Variants in COL20A1 observed in about 807,000 individuals in gnomAD.
COL20A1 encodes collagen alpha-1(XX) chain.
A neutral mutation model predicts 152.9 loss-of-function variants in COL20A1; 164 were observed. That is an observed-to-expected ratio of 1.07 (90% CI 0.94 to 1.22). COL20A1 has a LOEUF of 1.22. Ranked by LOEUF, COL20A1 falls within the 50% of genes most tolerant of loss-of-function variation. The pLI is 0.00. For missense variants in COL20A1, 1,873 were observed against 1,744.8 expected (o/e 1.07, Z -1.31); for synonymous variants, 864 against 756.0 (o/e 1.14, Z -2.34).
In COL20A1 at chr20:63,328,407, G is replaced by A. The variant is rs200097719; in HGVS notation, c.3690G>A (p.Pro1230=). Residue 1230 remains proline (P), a synonymous_variant, in exon 34 of 36, where the codon CCG becomes CCA. Coordinates refer to ENST00000358894, the MANE Select transcript of COL20A1 (RefSeq NM_020882.4). ...CCATCTTGGAGCAGAAGCTGGAGCCGGGCACTGAGCCCCTGGGGTCCCCTG... is the reference window on the plus strand; with the variant it reads ...CCATCTTGGAGCAGAAGCTGGAGCCAGGCACTGAGCCCCTGGGGTCCCCTG... ...PMPILEQKLE[P]GTEPLGSPGT... is the part of the protein sequence containing the mutation. 1.9e-5 allele frequency: 31 copies of A among 1,612,542 alleles called. No individual in the cohort carries two copies. The highest frequency in any genetic ancestry group is 4.5e-5 in the East Asian group (2 of 44,868).
At chr20:63,312,139 C>A in intron 14 of COL20A1, 84 bp downstream of exon 14, 2 of 1,414,694 alleles carry the variant, frequency 1.4e-6, no homozygotes, top group Non-Finnish European at 1.9e-6. Flanking sequence ...AGCCAACCAT[C>A]AGATAACACA....
At chr20:63,303,706 C>T (rs550120350) in intron 3 of COL20A1, among the ~76,000 whole-genome samples, 48 of 152,174 alleles carry the variant, frequency 3.2e-4, no homozygotes, top group Non-Finnish European at 5.9e-4. Flanking sequence ...CACTCCCTGG[C>T]GCGGGGCTGG....
chr20:63,294,583 C>T (rs1389352375), intron 1 of COL20A1, among the ~76,000 whole-genome samples: 2 of 152,160 alleles, frequency 1.3e-5, no homozygotes, highest in South Asian at 2.1e-4. Flanking sequence ...CACCCGCTCC[C>T]CACTCCTACT....
At chr20:63,298,078 G>A (rs2067821973) in intron 3 of COL20A1, 58 bp downstream of exon 3, 6 of 1,240,690 alleles carry the variant, frequency 4.8e-6, no homozygotes, top group Non-Finnish European at 6.9e-6. Context: ...AGGACAGTCA[G>A]TGTGGTGGCC....
At chr20:63,316,413 A>G in intron 20 of COL20A1, 140 bp from the exon 21 acceptor site, 1 of 92,490 alleles carries the variant, frequency 1.1e-5, no homozygotes, top group Non-Finnish European at 1.8e-5. Context: ...CTGACTTCCC[A>G]CCCACGCCGC....
At position 63,334,020 on chromosome 20, in the gene COL20A1, G is replaced by A. The variant is rs754604725; in HGVS notation, c.*3304G>A. ...TGGACTTGAGCCCCAGCACAGAGAC[G>A]ATGTCATAATACAGCCCCCCATCGT... On this transcript the variant is annotated 3_prime_UTR_variant, in exon 36 of 36. Transcript: ENST00000358894. 9 of 152,370 alleles carry A rather than the reference G, an allele frequency of 5.9e-5. No individual in the cohort carries two copies. The highest frequency in any genetic ancestry group is 3.4e-3 in the Middle Eastern group (1 of 294). 9.4% of individuals were successfully genotyped at this position (152,370 alleles called of 1,614,324 possible).
At chr20:63,298,244 C>A (rs2067823923) in intron 3 of COL20A1, among the ~76,000 whole-genome samples, 1 of 152,252 alleles carries the variant, frequency 6.6e-6, no homozygotes, top group Non-Finnish European at 1.5e-5. Context: ...GCAGCCCCTG[C>A]AGAAGGCATT....
At position 63,311,869 on chromosome 20, in the gene COL20A1, G is replaced by C; in HGVS notation, c.1664-47G>C. ...CCAGCCACTGCCCACCCTTGCCCCT[G>C]CCATGGAGGCCGCGTGCTGGCCTTG... On this transcript the variant is annotated intron_variant, in intron 13 of 35. Coordinates refer to ENST00000358894, the MANE Select transcript of COL20A1 (RefSeq NM_020882.4). This position sits in a 1 kb window ranked among gnomAD's most constrained non-coding sequence, Gnocchi z 4.4. The C allele has an allele frequency of 1.3e-6, 2 of 1,507,118 alleles. No homozygotes were observed. Among genetic ancestry groups the C allele is most frequent in the Non-Finnish European group, 1.8e-6 (2 of 1,128,532 alleles). 93.4% of individuals were successfully genotyped at this position (1,507,118 alleles called of 1,614,324 possible). A position where few individuals can be genotyped will look rare whatever the true frequency, so the allele number is the denominator to read the frequency against.
Position 63,321,112 on chromosome 20 carries a change from G to C in COL20A1, c.3240+13G>C, listed in dbSNP as rs763827385. 2.6e-6 allele frequency: 4 copies of C among 1,568,272 alleles called. No homozygotes were observed. In the South Asian group the frequency reaches 4.7e-5, roughly 18 times the overall value. ...TCAAGGACCCCCAGTGAGTCCAGTG[G>C]CGTCTCCTTGGGGTGACCAGGGAAC... On this transcript the variant is annotated intron_variant, in intron 26 of 35. Transcript: ENST00000358894.
intron 3 of COL20A1, among the ~76,000 whole-genome samples, chr20:63,300,187 G>A (rs952434903): frequency 2.0e-5 from 3 of 152,220 alleles, no homozygotes; most frequent in Middle Eastern, 3.4e-3. Flanking sequence ...TTCTTATAAA[G>A]TCCTTTTAAA....
At chr20:63,310,115 C>A (rs535765739) in intron 10 of COL20A1, among the ~76,000 whole-genome samples, 200 bp downstream of exon 10, 1 of 152,098 alleles carries the variant, frequency 6.6e-6, no homozygotes, top group African/African-American at 2.4e-5. Flanking sequence ...TTTTAGTGGC[C>A]GAGGAGGGCA....
intron 2 of COL20A1, among the ~76,000 whole-genome samples, 158 bp from the exon 3 acceptor site, chr20:63,297,752 G>A (rs1025593920): frequency 5.9e-5 from 9 of 152,352 alleles, no homozygotes; most frequent in Admixed American, 4.6e-4. Flanking sequence ...GGCTGAGTCC[G>A]CCTCAGACAC....
chr20:63,326,429 G>A lies in COL20A1; in HGVS notation c.3456+280G>A, dbSNP rs2068249470. Among the ~76,000 whole-genome samples the A allele has an allele frequency of 5.9e-5, 9 of 152,276 alleles. No homozygotes were observed. In the South Asian group the frequency reaches 1.2e-3, roughly 21 times the overall value. On this transcript the variant is annotated intron_variant, in intron 30 of 35. Coordinates refer to ENST00000358894, the MANE Select transcript of COL20A1 (RefSeq NM_020882.4). ...TGGCATCGGCCTCGGGCTGAGTGCT[G>A]GGCAGGCCAGGTTGCCTCCCTGCAA...
rs980302204 is a variant in COL20A1 at position 63,320,364 on chromosome 20, C to A, written c.3149C>A (p.Ala1050Asp). The change falls in exon 25 of 36, where the codon GCC becomes GAC. Residue 1050 changes from alanine to aspartate, a missense_variant. By Grantham distance (126) the Ala-to-Asp change is moderately radical. Coordinates refer to ENST00000358894, the MANE Select transcript of COL20A1 (RefSeq NM_020882.4). ...ADEDRCCELP[A>D]SRDGETCPAF... ...GAGGACCGGTGCTGTGAGCTCCCTGCCTCGGTGTGCCCCGTCCCTTGCCCC... is the reference window on the plus strand; with the variant it reads ...GAGGACCGGTGCTGTGAGCTCCCTGACTCGGTGTGCCCCGTCCCTTGCCCC... 1.9e-6 allele frequency: 3 copies of A among 1,610,884 alleles called. No homozygotes were observed. Among genetic ancestry groups the A allele is most frequent in the Non-Finnish European group, 2.5e-6 (3 of 1,179,774 alleles).
Position 63,331,602 on chromosome 20 carries a change from TG to T in COL20A1, c.*891del, listed in dbSNP as rs2068334647. 6.6e-6 allele frequency: 1 copy of T among 152,210 alleles called. No homozygotes were observed. The highest frequency in any genetic ancestry group is 1.5e-5 in the Non-Finnish European group (1 of 68,046). The allele number at this position is 152,210 out of a possible 1,614,324, so 9.4% of individuals were successfully genotyped here. On this transcript the variant is annotated 3_prime_UTR_variant, in exon 36 of 36. Coordinates refer to ENST00000358894, the MANE Select transcript of COL20A1 (RefSeq NM_020882.4). ...TATCCCCACTGTGGCCCAAACAGCA[TG>T]GGGGCAAGCTCAGAACACACACCTG...
At chr20:63,295,601 C>T (rs192513167) in intron 2 of COL20A1, among the ~76,000 whole-genome samples, 77 of 152,274 alleles carry the variant, frequency 5.1e-4, no homozygotes, top group African/African-American at 1.8e-3. Flanking sequence ...CGCATTTCCA[C>T]GCAGCACCAC....
Position 63,316,560 on chromosome 20 carries a change from C to T in COL20A1, c.2532C>T (p.Asp844=). The part of the protein sequence containing the change: ...LRPDGSLPGF[D]LMVAFSLVEK... ...CCCCACCATCTTCCCCAGGGTTTGA[C>T]CTGATGGTGGCCTTCAGCCTGGTGG... The change falls in exon 21 of 36, where the codon GAC becomes GAT. Residue 844 remains aspartate, a synonymous_variant. Transcript: ENST00000358894. 1 of 1,590,984 alleles carries T rather than the reference C, an allele frequency of 6.3e-7. No homozygotes were observed. The highest frequency in any genetic ancestry group is 8.6e-7 in the Non-Finnish European group (1 of 1,169,132).
chr20:63,297,916 G>A lies in COL20A1; in HGVS notation c.89G>A (p.Gly30Asp). ...CTATGTCCTGTTTCTGTAGCAAGCGGTCTCCTGAGGCTGGCTGTGCTGCCT... is the reference window on the plus strand; with the variant it reads ...CTATGTCCTGTTTCTGTAGCAAGCGATCTCCTGAGGCTGGCTGTGCTGCCT... ...TLGREQVQASGLLRLAVLPED... is the reference protein window; with the variant it reads ...TLGREQVQASDLLRLAVLPED... The change falls in exon 3 of 36, where the codon GGT (glycine) becomes GAT (aspartate). Residue 30 changes from glycine to aspartate, a missense_variant. By Grantham distance (94) the Gly-to-Asp change is moderately conservative. Transcript: ENST00000358894. The A allele has an allele frequency of 6.2e-7, 1 of 1,613,236 alleles. No individual in the cohort carries two copies. The highest frequency in any genetic ancestry group is 8.5e-7 in the Non-Finnish European group (1 of 1,179,700).
intron 3 of COL20A1, among the ~76,000 whole-genome samples, chr20:63,298,605 C>T (rs541325550): frequency 1.3e-5 from 2 of 152,218 alleles, no homozygotes; most frequent in East Asian, 1.9e-4. Context: ...TTTAAAGAAA[C>T]GACTCCCTCC....
Sources: gnomAD v4.1 joint callset for allele counts (sites outside exome capture counted in the v4.1 genomes callset) on GRCh38, gnomAD v4.1.1 for gene constraint, Gnocchi (gnomAD v3.1) non-coding constraint, MANE v1.5 for transcripts, NCBI Gene and HGNC (gene_info 2026-07-23, HGNC 2026-07-21) for gene names.